SATB1: variants seen among roughly 807,000 people sequenced by gnomAD.
SATB1 encodes DNA-binding protein SATB1.
A neutral mutation model predicts 86.9 loss-of-function variants in SATB1; 11 were observed. The ratio of observed to expected loss-of-function variants is 0.13; its 90% CI spans 0.08 to 0.21. SATB1 has a LOEUF of 0.21. Ranked by LOEUF, SATB1 falls within the 10% of genes least tolerant of loss-of-function variation. SATB1 has a pLI of 1.00. For missense variants in SATB1, 551 were observed against 937.6 expected (o/e 0.59, Z 5.39); for synonymous variants, 357 against 357.2 (o/e 1.00, Z 0.01).
At chr3:18,428,979 A>G (rs1234431016), upstream of SATB1, among the ~76,000 whole-genome samples, 3 of 152,230 alleles carry the variant, frequency 2.0e-5, no homozygotes, top group Non-Finnish European at 4.4e-5. Context: ...TTACCACCAT[A>G]ACACTTTCTA....
intron 2 of SATB1, among the ~76,000 whole-genome samples, chr3:18,430,632 T>G (rs1273138831): frequency 6.6e-6 from 1 of 152,188 alleles, no homozygotes; most frequent in Non-Finnish European, 1.5e-5. Flanking sequence ...CAAATAATGA[T>G]GCACTGCAGA....
chr3:18,358,180 A>C (rs1480680670), intron 9 of SATB1, among the ~76,000 whole-genome samples: 1 of 151,994 alleles, frequency 6.6e-6, no homozygotes, highest in Non-Finnish European at 1.5e-5. Context: ...TGAGGGCAAG[A>C]AGCGATGCAC....
chr3:18,374,224 G>A (rs764641881), intron 9 of SATB1, among the ~76,000 whole-genome samples: 2 of 152,018 alleles, frequency 1.3e-5, no homozygotes, highest in African/African-American at 2.4e-5. Context: ...GGTTTGCTGT[G>A]GAATAAAATT....
At chr3:18,404,182 G>C (rs1464591665) in intron 5 of SATB1, among the ~76,000 whole-genome samples, 1 of 152,062 alleles carries the variant, frequency 6.6e-6, no homozygotes, top group Non-Finnish European at 1.5e-5. Context: ...GGGTGGGAAG[G>C]ACAGGAAATG....
At chr3:18,415,977 T>C (rs756201703) in intron 4 of SATB1, 30 bp downstream of exon 4, 1 of 1,541,730 alleles carries the variant, frequency 6.5e-7, no homozygotes, top group South Asian at 1.2e-5. Flanking sequence ...AAGAAGAATG[T>C]TTCACCCTAG....
At chr3:18,365,471 G>C (rs778155163) in intron 9 of SATB1, among the ~76,000 whole-genome samples, 1 of 152,080 alleles carries the variant, frequency 6.6e-6, no homozygotes, top group African/African-American at 2.4e-5. Flanking sequence ...GGGGAGGGGA[G>C]TGGCTCTGCA....
intron 2 of SATB1, among the ~76,000 whole-genome samples, chr3:18,436,176 GTATT>G (rs1699054271): frequency 6.6e-6 from 1 of 152,078 alleles, no homozygotes; most frequent in South Asian, 2.1e-4. Context: ...TTCAAACAAT[GTATT>G]TAAGCTGCAA....
chr3:18,354,974 T>G (rs146036356), intron 9 of SATB1, among the ~76,000 whole-genome samples: 1 of 152,272 alleles, frequency 6.6e-6, no homozygotes, highest in Non-Finnish European at 1.5e-5. Flanking sequence ...TATTAACCTC[T>G]GCCCTTAAAT....
chr3:18,381,730 T>C lies in SATB1; in HGVS notation c.1420-3405A>G, dbSNP rs1010607512. On this transcript the variant is annotated intron_variant, in intron 8 of 10. Coordinates refer to ENST00000338745, the MANE Select transcript of SATB1 (RefSeq NM_002971.6). ...AATAGCTATTGATTTTTGATTAAAA[T>C]CCAATCTAAATTTATTTTTCAGGGT... Among the ~76,000 whole-genome samples, 122 of 152,162 alleles carry C rather than the reference T, an allele frequency of 8.0e-4. 10 individuals are homozygous for C. The highest frequency in any genetic ancestry group is 4.4e-5 in the Non-Finnish European group (3 of 68,010).
chr3:18,360,194 T>A (rs1347184450), intron 9 of SATB1, among the ~76,000 whole-genome samples: 3 of 152,158 alleles, frequency 2.0e-5, no homozygotes, highest in Admixed American at 6.5e-5. Flanking sequence ...TGAAACTTAC[T>A]GATAGGTAAA....
At chr3:18,426,683 T>C (rs950712716), upstream of SATB1, among the ~76,000 whole-genome samples, 45 of 152,216 alleles carry the variant, frequency 3.0e-4, no homozygotes, top group Non-Finnish European at 3.7e-4. The surrounding 1 kb of genome is among the most constrained non-coding windows in gnomAD (Gnocchi z 4.2). Flanking sequence ...AAAACAAGAA[T>C]TATTTTTCAG....
chr3:18,408,608 G>A (rs1484934403), intron 5 of SATB1: 5 of 151,582 alleles, frequency 3.3e-5, no homozygotes, highest in Admixed American at 6.6e-5. Context: ...CTCAGAGCAC[G>A]TTATAATCAA....
At chr3:18,440,941 C>G (rs1476009750), upstream of SATB1, among the ~76,000 whole-genome samples, 1 of 152,150 alleles carries the variant, frequency 6.6e-6, no homozygotes, top group Non-Finnish European at 1.5e-5. Flanking sequence ...TATCATAGAA[C>G]TTAATCCAAG....
chr3:18,441,209 C>T (rs886438984), upstream of SATB1, among the ~76,000 whole-genome samples: 1 of 152,076 alleles, frequency 6.6e-6, no homozygotes, highest in African/African-American at 2.4e-5. Flanking sequence ...TCATGTAAAA[C>T]GTGTTTTTTC....
At chr3:18,445,404 G>A in intron 1 of SATB1, 4 of 985,304 alleles carry the variant, frequency 4.1e-6, no homozygotes, top group African/African-American at 3.5e-5. Context: ...GGGCGCACAC[G>A]GGGGTTGGCG....
chr3:18,431,640 T>G (rs963035027), intron 2 of SATB1, among the ~76,000 whole-genome samples: 1 of 152,126 alleles, frequency 6.6e-6, no homozygotes, highest in Admixed American at 6.5e-5. Flanking sequence ...TTAGGTGATG[T>G]TTTAGAGACA....
chr3:18,416,088 A>G lies in SATB1; in HGVS notation c.434T>C (p.Val145Ala). 1 of 1,611,118 alleles carries G rather than the reference A, an allele frequency of 6.2e-7. No homozygotes were observed. The highest frequency in any genetic ancestry group is 8.5e-7 in the Non-Finnish European group (1 of 1,178,096). ...TACTGTAGCATCAGGGGCATCTGTC[A>G]CGTAAGACAGTGGAACTGGATTCCA... The part of the protein sequence containing the change: ...GKWNPVPLSY[V>A]TDAPDATVAD... Residue 145 changes from valine (V) to alanine (A), a missense_variant, in exon 4 of 11, where the codon GTG becomes GCG. Coordinates refer to ENST00000338745, the MANE Select transcript of SATB1 (RefSeq NM_002971.6).
chr3:18,367,145 C>T (rs1182804179), intron 9 of SATB1, among the ~76,000 whole-genome samples: 2 of 152,224 alleles, frequency 1.3e-5, no homozygotes, highest in African/African-American at 2.4e-5. Context: ...GGGACTACCA[C>T]TCTTTGCAGT....
In SATB1 at chr3:18,394,360, A is replaced by T. The variant is rs889805131; in HGVS notation, c.1206+102T>A. The T allele has an allele frequency of 1.0e-6, 1 of 967,712 alleles. No homozygotes were observed. 59.9% of individuals were successfully genotyped at this position (967,712 alleles called of 1,614,324 possible). On this transcript the variant is annotated intron_variant, in intron 7 of 10. Transcript: ENST00000338745. This position sits in a 1 kb window ranked among gnomAD's most constrained non-coding sequence, Gnocchi z 5.9. Reference sequence around the variant, plus strand: ...ATATGATCACATGAAGAGAGAGAGAAAATGTTAGTACAGAAGTAAAAGAAT... The same window carrying T: ...ATATGATCACATGAAGAGAGAGAGATAATGTTAGTACAGAAGTAAAAGAAT...
Sources: gnomAD v4.1 joint callset for allele counts (sites outside exome capture counted in the v4.1 genomes callset) on GRCh38, gnomAD v4.1.1 for gene constraint, Gnocchi (gnomAD v3.1) non-coding constraint, MANE v1.5 for transcripts, NCBI Gene and HGNC (gene_info 2026-07-23, HGNC 2026-07-21) for gene names.